Variants in RAP1GAP2 observed in about 807,000 individuals in gnomAD.
The protein encoded by RAP1GAP2 is rap1 GTPase-activating protein 2.
In RAP1GAP2, 27 loss-of-function variants were observed where a neutral mutation model predicts 95.0. That is an observed-to-expected ratio of 0.28 (90% CI 0.21 to 0.39). The LOEUF is 0.39. Ranked by LOEUF, RAP1GAP2 falls within the 10% of genes least tolerant of loss-of-function variation. The pLI, the probability that RAP1GAP2 is intolerant of heterozygous loss-of-function variation, is 1.00. For synonymous variants in RAP1GAP2, 373 were observed against 380.9 expected (o/e 0.98, Z 0.24); for missense variants, 771 against 970.0 (o/e 0.79, Z 2.72).
intron 11 of RAP1GAP2, among the ~76,000 whole-genome samples, chr17:2,987,170 A>G (rs1453344155): frequency 6.6e-6 from 1 of 152,146 alleles, no homozygotes; most frequent in African/African-American, 2.4e-5. Flanking sequence ...GACTTGGCCC[A>G]TGGGCTGCAG....
chr17:2,780,672 A>C (rs906800600), intron 1 of RAP1GAP2, among the ~76,000 whole-genome samples: 2 of 152,266 alleles, frequency 1.3e-5, no homozygotes, highest in Admixed American at 6.5e-5. Flanking sequence ...GCCTGCAGGC[A>C]GGGTCACACC....
chr17:2,886,801 C>T (rs1215124480), intron 2 of RAP1GAP2, among the ~76,000 whole-genome samples: 1 of 151,992 alleles, frequency 6.6e-6, no homozygotes, highest in Non-Finnish European at 1.5e-5. Flanking sequence ...GGACTGAGGC[C>T]GAGGGATCCA....
intron 10 of RAP1GAP2, among the ~76,000 whole-genome samples, chr17:2,984,080 G>A (rs915858349): frequency 1.3e-5 from 2 of 152,250 alleles, no homozygotes; most frequent in Non-Finnish European, 2.9e-5. Context: ...GCTGGGCGTG[G>A]TAGCTCATGC....
chr17:3,027,600 C>A lies in RAP1GAP2; in HGVS notation c.2107+530C>A, dbSNP rs1032901685. Among the ~76,000 whole-genome samples the A allele has an allele frequency of 6.6e-6, 1 of 150,580 alleles. No homozygotes were observed. Among genetic ancestry groups the A allele is most frequent in the Admixed American group, 6.6e-5 (1 of 15,068 alleles). ...GAGCCAGGCGTCAGAGAGGCCGGAG[C>A]GTTGACAGGCTGGGTCAGCCCCGGG... On this transcript the variant is annotated intron_variant, in intron 22 of 24. Coordinates refer to ENST00000254695, the MANE Select transcript of RAP1GAP2 (RefSeq NM_015085.5). The surrounding 1 kb of genome is among the most constrained non-coding windows in gnomAD (Gnocchi z 5.2).
intron 4 of RAP1GAP2, among the ~76,000 whole-genome samples, chr17:2,959,083 C>T (rs1191639185): frequency 6.6e-6 from 1 of 152,072 alleles, no homozygotes; most frequent in African/African-American, 2.4e-5. Context: ...CTGGGATTTT[C>T]GCCTCTAGTC....
chr17:3,002,204 A>G (rs897350753), intron 14 of RAP1GAP2, among the ~76,000 whole-genome samples: 2 of 152,088 alleles, frequency 1.3e-5, no homozygotes, highest in African/African-American at 4.8e-5. Flanking sequence ...TTTGTGATCC[A>G]CTGGCCTCGG....
chr17:2,796,391 C>T, upstream of RAP1GAP2: 4 of 911,378 alleles, frequency 4.4e-6, no homozygotes, highest in Non-Finnish European at 5.2e-6. The surrounding 1 kb of genome is among the most constrained non-coding windows in gnomAD (Gnocchi z 4.7). Flanking sequence ...GGGTTGGGGG[C>T]AGGCGAAGAG....
chr17:2,874,192 A>G (rs1458913203), intron 2 of RAP1GAP2, among the ~76,000 whole-genome samples: 1 of 152,238 alleles, frequency 6.6e-6, no homozygotes, highest in Non-Finnish European at 1.5e-5. Context: ...CAGATTAAAT[A>G]AGAGGCATAA....
intron 2 of RAP1GAP2, among the ~76,000 whole-genome samples, chr17:2,882,604 T>C (rs1390503415): frequency 1.3e-5 from 2 of 152,162 alleles, no homozygotes; most frequent in East Asian, 3.9e-4. Flanking sequence ...TTTGCATTTT[T>C]AGTAGAGATG....
intron 18 of RAP1GAP2, among the ~76,000 whole-genome samples, chr17:3,019,926 C>T (rs541717243): frequency 3.0e-4 from 45 of 152,372 alleles, no homozygotes; most frequent in African/African-American, 9.9e-4. Context: ...AAGCAGAAGG[C>T]GTCTTGGCTG....
chr17:2,938,033 G>A (rs1299331139), intron 3 of RAP1GAP2, among the ~76,000 whole-genome samples: 3 of 152,196 alleles, frequency 2.0e-5, no homozygotes, highest in African/African-American at 7.2e-5. Context: ...GTGGCAGGCT[G>A]GGCAGGAGCA....
intron 3 of RAP1GAP2, among the ~76,000 whole-genome samples, chr17:2,955,851 T>G (rs770323498): frequency 6.6e-6 from 1 of 152,230 alleles, no homozygotes; most frequent in Non-Finnish European, 1.5e-5. Context: ...ATTCTGTGAG[T>G]GTAGCTTCTT....
Position 3,005,174 on chromosome 17 carries a change from T to TGGCCCCACACCGTCC in RAP1GAP2, c.1201-186_1201-172dup. Among the ~76,000 whole-genome samples the TGGCCCCACACCGTCC allele has an allele frequency of 6.6e-6, 1 of 152,288 alleles. No homozygotes were observed. Among genetic ancestry groups the TGGCCCCACACCGTCC allele is most frequent in the Admixed American group, 6.5e-5 (1 of 15,294 alleles). ...AGGAATGCAGATGAGAGGCTGCGGA[T>TGGCCCCACACCGTCC]GGCCCCACACCGTCCGGCCCCACTT... is the stretch of plus-strand genomic sequence containing the variant. On this transcript the variant is annotated intron_variant, in intron 14 of 24. Transcript: ENST00000254695. The surrounding 1 kb of genome is among the most constrained non-coding windows in gnomAD (Gnocchi z 5.2).
At chr17:2,894,699 G>A (rs1229962113) in intron 2 of RAP1GAP2, among the ~76,000 whole-genome samples, 1 of 152,142 alleles carries the variant, frequency 6.6e-6, no homozygotes, top group South Asian at 2.1e-4. Flanking sequence ...TCTGTTTTCT[G>A]AAACCCAGGT....
At chr17:2,800,202 G>C (rs1181546862) in intron 1 of RAP1GAP2, 1 of 985,320 alleles carries the variant, frequency 1.0e-6, no homozygotes, top group African/African-American at 1.7e-5. Flanking sequence ...AAGTGCTTAC[G>C]ATCCCTGGAC....
At chr17:2,774,907 G>A (rs920338512), upstream of RAP1GAP2, among the ~76,000 whole-genome samples, 12 of 143,022 alleles carry the variant, frequency 8.4e-5, no homozygotes, top group Non-Finnish European at 1.5e-4. Flanking sequence ...TGCAACCTCC[G>A]CCTCCCAGAT....
intron 3 of RAP1GAP2, among the ~76,000 whole-genome samples, chr17:2,907,949 G>A (rs2042253976): frequency 6.6e-6 from 1 of 152,124 alleles, no homozygotes; most frequent in Non-Finnish European, 1.5e-5. Context: ...TGGGATTACA[G>A]GTGCGTGCCA....
At chr17:3,007,925 C>T (rs2046386620) in intron 16 of RAP1GAP2, 86 bp from the exon 17 acceptor site, 2 of 1,490,988 alleles carry the variant, frequency 1.3e-6, no homozygotes, top group Non-Finnish European at 1.8e-6. Context: ...TGTCAGCCTC[C>T]AGGCCAGGTG....
At chr17:2,799,148 A>C (rs1483748595) in intron 1 of RAP1GAP2, among the ~76,000 whole-genome samples, 1 of 152,210 alleles carries the variant, frequency 6.6e-6, no homozygotes, top group Non-Finnish European at 1.5e-5. Context: ...CACGCGTTAC[A>C]GCAGAGTGTG....
Sources: gnomAD v4.1 joint callset for allele counts (sites outside exome capture counted in the v4.1 genomes callset) on GRCh38, gnomAD v4.1.1 for gene constraint, Gnocchi (gnomAD v3.1) non-coding constraint, MANE v1.5 for transcripts, NCBI Gene and HGNC (gene_info 2026-07-23, HGNC 2026-07-21) for gene names.